The following MGST1 variants were observed in gnomAD, a reference collection of about 807,000 sequenced individuals.
The protein encoded by MGST1 is glutathione S-transferase 12.
MGST1 carries 5 observed loss-of-function variants against 8.9 expected under a neutral mutation model. The ratio of observed to expected loss-of-function variants is 0.56; its 90% CI spans 0.29 to 1.19. The LOEUF is 1.19. Ranked by LOEUF, MGST1 falls within the 50% of genes most tolerant of loss-of-function variation. MGST1 has a pLI of 0.08. For missense variants in MGST1, 182 were observed against 187.4 expected (o/e 0.97, Z 0.17); for synonymous variants, 54 against 67.8 (o/e 0.80, Z 1.00).
At chr12:16,447,007 C>A (rs571002355) in intron 4 of MGST1, among the ~76,000 whole-genome samples, 2 of 152,012 alleles carry the variant, frequency 1.3e-5, no homozygotes, top group Non-Finnish European at 2.9e-5. Context: ...ATGCCTATTT[C>A]CCTAAGCCTC....
intron 4 of MGST1, among the ~76,000 whole-genome samples, chr12:16,485,073 C>T (rs560779067): frequency 3.9e-5 from 6 of 152,322 alleles, no homozygotes; most frequent in African/African-American, 1.2e-4. Flanking sequence ...TGTTTTCAAA[C>T]ATTATTGTAT....
At chr12:16,466,035 A>G (rs1232166466) in intron 4 of MGST1, among the ~76,000 whole-genome samples, 2 of 152,128 alleles carry the variant, frequency 1.3e-5, no homozygotes, top group Non-Finnish European at 2.9e-5. Context: ...GCTTATCTGG[A>G]TGTAAGAATG....
At chr12:16,464,036 C>G (rs753069104) in intron 4 of MGST1, among the ~76,000 whole-genome samples, 25 of 152,160 alleles carry the variant, frequency 1.6e-4, no homozygotes, top group Non-Finnish European at 3.2e-4. Flanking sequence ...ATGGCAGTTT[C>G]ATTACTCGTT....
At chr12:16,393,592 T>C (rs1415169585) in intron 1 of MGST1, among the ~76,000 whole-genome samples, 2 of 152,214 alleles carry the variant, frequency 1.3e-5, no homozygotes, top group African/African-American at 4.8e-5. Context: ...TTGATGGATG[T>C]AATTAAAACG....
chr12:16,448,188 C>T (rs1019049008), intron 4 of MGST1, among the ~76,000 whole-genome samples: 1 of 151,760 alleles, frequency 6.6e-6, no homozygotes, highest in Non-Finnish European at 1.5e-5. Flanking sequence ...AAAGAAGAAA[C>T]ATAAATATTT....
rs1943295949 is a variant in MGST1, at chr12:16,585,679, A to G, written n.483-3849A>G. Reference sequence around the variant, plus strand: ...TAAGTGATTTCATTTGAATGATGTCAAAACTAATCCTCAGGTGATGTAAGC... The same window carrying G: ...TAAGTGATTTCATTTGAATGATGTCGAAACTAATCCTCAGGTGATGTAAGC... On this transcript the variant is annotated intron_variant and non_coding_transcript_variant, in intron 4 of 4. Transcript: ENST00000538857. This position sits in a 1 kb window ranked among gnomAD's most constrained non-coding sequence, Gnocchi z 4.7. 6.6e-6 allele frequency among the ~76,000 whole-genome samples: 1 copy of G among 152,188 alleles called. No individual in the cohort carries two copies. The highest frequency in any genetic ancestry group is 1.5e-5 in the Non-Finnish European group (1 of 68,036).
chr12:16,438,587 A>C (rs1028619633), exon 2 of MGST1: 4 of 152,022 alleles, frequency 2.6e-5, no homozygotes, highest in Admixed American at 6.6e-5. Flanking sequence ...AGGATATTTA[A>C]ATTCTGTTGT....
Position 16,537,205 on chromosome 12 carries a change from G to A in MGST1, n.483-52323G>A, listed in dbSNP as rs1467650112. ...GCCCATCCAAGTCTGAAATCCAGTG[G>A]GGCAGTCAAATTTTAAAGCTCCAAA... is the stretch of plus-strand genomic sequence containing the variant. On this transcript the variant is annotated intron_variant and non_coding_transcript_variant, in intron 4 of 4. Coordinates refer to the MGST1 transcript ENST00000538857. The surrounding 1 kb of genome is among the most constrained non-coding windows in gnomAD (Gnocchi z 4.6). 6.6e-6 allele frequency among the ~76,000 whole-genome samples: 1 copy of A among 152,172 alleles called. No individual in the cohort carries two copies. Among genetic ancestry groups the A allele is most frequent in the East Asian group, 1.9e-4 (1 of 5,192 alleles).
At chr12:16,392,255 G>C (rs2417568) in intron 1 of MGST1, among the ~76,000 whole-genome samples, 2 of 151,842 alleles carry the variant, frequency 1.3e-5, no homozygotes, top group Non-Finnish European at 2.9e-5. Context: ...TTTGCATTGC[G>C]TCTTCTTTGA....
chr12:16,521,895 T>C (rs563744586), intron 4 of MGST1, among the ~76,000 whole-genome samples: 1 of 152,082 alleles, frequency 6.6e-6, no homozygotes, highest in Non-Finnish European at 1.5e-5. Flanking sequence ...GAGAACACTA[T>C]TGTCAAGAGA....
chr12:16,382,585 C>T (rs1940467160), upstream of MGST1, among the ~76,000 whole-genome samples: 1 of 152,186 alleles, frequency 6.6e-6, no homozygotes, highest in South Asian at 2.1e-4. Flanking sequence ...ATTCGGGGAT[C>T]AGGGACCCAC....
intron 4 of MGST1, among the ~76,000 whole-genome samples, chr12:16,466,349 G>A (rs1941255111): frequency 6.6e-6 from 1 of 152,124 alleles, no homozygotes; most frequent in Non-Finnish European, 1.5e-5. Flanking sequence ...TTTTTAAATA[G>A]CTGGCGAGGT....
At chr12:16,453,923 C>A (rs10744125) in intron 4 of MGST1, among the ~76,000 whole-genome samples, 22,474 of 151,964 alleles carry the variant, frequency 0.15, 2,052 homozygotes, top group East Asian at 0.44. Context: ...CCAAATAAGA[C>A]CACCTTCTGA....
At position 16,513,116 on chromosome 12, in the gene MGST1, A is replaced by G. The variant is rs552785415; in HGVS notation, n.483-76412A>G. Among the ~76,000 whole-genome samples, 43 of 152,316 alleles carry G rather than the reference A, an allele frequency of 2.8e-4. No homozygotes were observed. Among genetic ancestry groups the G allele is most frequent in the Admixed American group, 4.6e-4 (7 of 15,302 alleles). The stretch of plus-strand genomic sequence containing the variant: ...TCAAACAAATCATTCTTTCATGTGT[A>G]TATATACAGATACACATATACATAA... On this transcript the variant is annotated intron_variant and non_coding_transcript_variant, in intron 4 of 4. Coordinates refer to the MGST1 transcript ENST00000538857. The surrounding 1 kb of genome is among the most constrained non-coding windows in gnomAD (Gnocchi z 4.2).
Position 16,495,257 on chromosome 12 carries a change from C to A in MGST1, n.483-94271C>A, listed in dbSNP as rs191496435. Among the ~76,000 whole-genome samples the A allele has an allele frequency of 4.1e-3, 625 of 152,084 alleles. 3 individuals are homozygous for A. The highest frequency in any genetic ancestry group is 6.8e-3 in the Middle Eastern group (2 of 294). On this transcript the variant is annotated intron_variant and non_coding_transcript_variant, in intron 4 of 4. Coordinates refer to the MGST1 transcript ENST00000538857. Reference sequence around the variant, plus strand: ...GTGTTTTCTCACTTATAATTGGGAGCTAAACATTGGGTCCTCAAGGACACA... The same window carrying A: ...GTGTTTTCTCACTTATAATTGGGAGATAAACATTGGGTCCTCAAGGACACA...
chr12:16,494,554 T>G (rs916351309), intron 4 of MGST1, among the ~76,000 whole-genome samples: 2 of 152,184 alleles, frequency 1.3e-5, no homozygotes, highest in Non-Finnish European at 2.9e-5. Context: ...ACAAAATGTT[T>G]AATTAACATT....
chr12:16,407,816 G>A (rs1477442914), intron 1 of MGST1, among the ~76,000 whole-genome samples: 6 of 151,956 alleles, frequency 3.9e-5, no homozygotes, highest in Non-Finnish European at 5.9e-5. Context: ...GGCGGATCAC[G>A]AGGTCAAGAG....
At chr12:16,375,801 A>G (rs1054907062) in intron 3 of MGST1, among the ~76,000 whole-genome samples, 13 of 151,852 alleles carry the variant, frequency 8.6e-5, no homozygotes, top group African/African-American at 3.1e-4. Context: ...ACTGAAAGGA[A>G]TTAGCAAGCA....
intron 1 of MGST1, among the ~76,000 whole-genome samples, chr12:16,416,073 G>C (rs1940784929): frequency 6.6e-6 from 1 of 152,038 alleles, no homozygotes; most frequent in Non-Finnish European, 1.5e-5. Context: ...GGATAACATA[G>C]GGTCACCTGG....
Sources: gnomAD v4.1 joint callset for allele counts (sites outside exome capture counted in the v4.1 genomes callset) on GRCh38, gnomAD v4.1.1 for gene constraint, Gnocchi (gnomAD v3.1) non-coding constraint, MANE v1.5 for transcripts, NCBI Gene and HGNC (gene_info 2026-07-23, HGNC 2026-07-21) for gene names.